Variants in FMN2 observed in about 807,000 individuals in gnomAD.
FMN2 encodes the protein formin-2.
Under a neutral mutation model 142.3 loss-of-function variants are expected in FMN2, and 51 were observed. The observed-to-expected ratio is 0.36, with a 90% CI of 0.29 to 0.45. The LOEUF is 0.45. Ranked by LOEUF, FMN2 falls within the 20% of genes least tolerant of loss-of-function variation. The probability of loss-of-function intolerance (pLI) is 1.00; values close to 1 mark genes in which losing one functional copy is unlikely to be tolerated. For synonymous variants in FMN2, 882 were observed against 869.8 expected (o/e 1.01, Z -0.25); for missense variants, 1,936 against 2,122.8 (o/e 0.91, Z 1.73).
At chr1:240,119,345 G>T (rs1038837460) in intron 1 of FMN2, among the ~76,000 whole-genome samples, 1 of 143,070 alleles carries the variant, frequency 7.0e-6, no homozygotes, top group African/African-American at 2.6e-5. Flanking sequence ...AAAAAAAAAA[G>T]TGCCTCCACC....
At chr1:240,330,838 A>G in intron 11 of FMN2, 89 bp downstream of exon 11, 1 of 1,466,630 alleles carries the variant, frequency 6.8e-7, no homozygotes, top group Non-Finnish European at 9.1e-7. Flanking sequence ...GTTGTAAAAA[A>G]TATTTATGTT....
intron 8 of FMN2, among the ~76,000 whole-genome samples, chr1:240,296,672 G>GTT (rs11380505): frequency 1.3e-3 from 192 of 144,064 alleles, no homozygotes; most frequent in African/African-American, 3.5e-3. Flanking sequence ...CTTGAGTTTG[G>GTT]TTTTTTTTTT....
At chr1:240,457,604 T>G (rs1676298184) in intron 16 of FMN2, 1 of 152,170 alleles carries the variant, frequency 6.6e-6, no homozygotes, top group South Asian at 2.1e-4. Flanking sequence ...GGTGGTTTAT[T>G]TTATATAAAT....
intron 8 of FMN2, among the ~76,000 whole-genome samples, chr1:240,314,061 T>C (rs1346866959): frequency 6.6e-6 from 1 of 152,196 alleles, no homozygotes; most frequent in Non-Finnish European, 1.5e-5. Flanking sequence ...CATAAAAAGC[T>C]ACTAAGGAAG....
At chr1:240,284,221 T>C (rs1332720964) in intron 7 of FMN2, among the ~76,000 whole-genome samples, 1 of 152,192 alleles carries the variant, frequency 6.6e-6, no homozygotes, top group Non-Finnish European at 1.5e-5. Context: ...TATTTAGCAC[T>C]TTGGCCATAT....
intron 7 of FMN2, among the ~76,000 whole-genome samples, chr1:240,293,568 A>G (rs372317020): frequency 5.9e-5 from 9 of 152,208 alleles, no homozygotes; most frequent in African/African-American, 1.9e-4. Flanking sequence ...TTTGAAATAT[A>G]GTCAAAGGTA....
chr1:240,144,058 A>T, intron 2 of FMN2: 1 of 1,097,016 alleles, frequency 9.1e-7, no homozygotes, highest in Non-Finnish European at 1.4e-6. Flanking sequence ...TTCCTGACTT[A>T]ATGTAGTCCT....
chr1:240,290,793 G>GTTTTTTTTTTTTT (rs761547443), intron 7 of FMN2, among the ~76,000 whole-genome samples: 36 of 84,722 alleles, frequency 4.2e-4, no homozygotes, highest in African/African-American at 5.7e-4. Context: ...TTTTTTTTTT[G>GTTTTTTTTTTTTT]TTTTTTTTTT....
intron 15 of FMN2, among the ~76,000 whole-genome samples, chr1:240,392,820 G>T (rs1305102907): frequency 6.6e-6 from 1 of 152,034 alleles, no homozygotes; most frequent in Non-Finnish European, 1.5e-5. Flanking sequence ...TAGAACTATG[G>T]AAATACACAA....
chr1:240,343,080 ATT>A (rs1252338849), intron 13 of FMN2, among the ~76,000 whole-genome samples: 1 of 152,208 alleles, frequency 6.6e-6, no homozygotes, highest in African/African-American at 2.4e-5. Context: ...AAGTCTCTCA[ATT>A]CATATCAGGT....
rs147501995 is a variant in FMN2, at chr1:240,123,253, C to G, written c.1690C>G (p.Arg564Gly). 1 of 1,614,084 alleles carries G rather than the reference C, an allele frequency of 6.2e-7. No homozygotes were observed. The highest frequency in any genetic ancestry group is 1.1e-5 in the South Asian group (1 of 91,076). The stretch of plus-strand genomic sequence containing the variant: ...AGAAGAAGCAGAGAAGTTTTGCTCC[C>G]GGATCATTGCCATGGGTCTTCTCCT... ...PPEEAEKFCS[R>G]IIAMGLLLPF... The change falls in exon 2 of 18, where the codon CGG becomes GGG. Residue 564 changes from arginine (R) to glycine (G), a missense_variant. Arg to Gly is a moderately radical substitution (Grantham distance 125). Around this residue, in one of 8 missense-constraint regions of FMN2, gnomAD observed 751 missense variants for 791.8 expected, o/e 0.95. Coordinates refer to ENST00000319653, the MANE Select transcript of FMN2 (RefSeq NM_020066.5).
chr1:240,251,363 C>T (rs188343800), intron 6 of FMN2, among the ~76,000 whole-genome samples: 1 of 151,924 alleles, frequency 6.6e-6, no homozygotes, highest in Non-Finnish European at 1.5e-5. Flanking sequence ...TGTTTAATTT[C>T]CATGTATTTG....
chr1:240,144,591 G>A, intron 2 of FMN2: 2 of 1,360,760 alleles, frequency 1.5e-6, no homozygotes, highest in African/African-American at 1.4e-5. Flanking sequence ...AGAGCTTTAG[G>A]AAAGCGGCTA....
chr1:240,470,602 G>A (rs1381351235), intron 16 of FMN2, among the ~76,000 whole-genome samples: 1 of 152,128 alleles, frequency 6.6e-6, no homozygotes, highest in Non-Finnish European at 1.5e-5. Context: ...TTGTAAAGGA[G>A]ATGAATTCTG....
chr1:240,382,434 G>A (rs574674459), intron 14 of FMN2, among the ~76,000 whole-genome samples: 1 of 152,108 alleles, frequency 6.6e-6, no homozygotes, highest in South Asian at 2.1e-4. Flanking sequence ...GTCAAGGAGG[G>A]CGGATCACCT....
At chr1:240,338,632 A>T (rs1671643291) in intron 13 of FMN2, among the ~76,000 whole-genome samples, 1 of 152,108 alleles carries the variant, frequency 6.6e-6, no homozygotes, top group Non-Finnish European at 1.5e-5. Context: ...CACTTAGTTC[A>T]GCGTATTCAT....
At chr1:240,144,651 G>C in intron 2 of FMN2, 1 of 1,288,044 alleles carries the variant, frequency 7.8e-7, no homozygotes, top group South Asian at 1.2e-5. Context: ...GAGTTCTCAG[G>C]CTCAGACACA....
chr1:240,147,974 C>T (rs1481962460), intron 2 of FMN2, among the ~76,000 whole-genome samples: 3 of 152,194 alleles, frequency 2.0e-5, no homozygotes, highest in Non-Finnish European at 2.9e-5. Context: ...GTTGCTACTT[C>T]GCCATGGAAG....
chr1:240,247,377 C>G (rs1018846522), intron 6 of FMN2, among the ~76,000 whole-genome samples: 6 of 152,008 alleles, frequency 3.9e-5, no homozygotes, highest in Admixed American at 1.3e-4. Context: ...TCCCGCATGC[C>G]TGTAACCTCA....
Sources: gnomAD v4.1 joint callset for allele counts (sites outside exome capture counted in the v4.1 genomes callset) on GRCh38, gnomAD v4.1.1 for gene constraint, gnomAD v4.1.1 regional missense constraint, MANE v1.5 for transcripts, NCBI Gene and HGNC (gene_info 2026-07-23, HGNC 2026-07-21) for gene names.